BCL9: variants seen among roughly 807,000 people sequenced by gnomAD.
BCL9 encodes BCL9 transcription coactivator.
A neutral mutation model predicts 88.5 loss-of-function variants in BCL9; 25 were observed. That is an observed-to-expected ratio of 0.28 (90% CI 0.21 to 0.39). BCL9 has a LOEUF of 0.39. Ranked by LOEUF, BCL9 falls within the 10% of genes least tolerant of loss-of-function variation. The probability of loss-of-function intolerance (pLI) is 1.00; values close to 1 mark genes in which losing one functional copy is unlikely to be tolerated. For synonymous variants in BCL9, 711 were observed against 673.3 expected (o/e 1.06, Z -0.87); for missense variants, 1,817 against 1,877.8 (o/e 0.97, Z 0.60).
At chr1:147,558,463 T>A (rs1557823376) in intron 1 of BCL9, among the ~76,000 whole-genome samples, 1 of 152,172 alleles carries the variant, frequency 6.6e-6, no homozygotes, top group Non-Finnish European at 1.5e-5. Context: ...TAGAAGGAAA[T>A]CTTGCGTTCC....
Position 147,596,411 on chromosome 1 carries a change from C to CT in BCL9, c.-477-8362dup, listed in dbSNP as rs1170664573. 1.7e-3 allele frequency among the ~76,000 whole-genome samples: 11 copies of CT among 6,552 alleles called. 3 individuals carry two copies. Among genetic ancestry groups the CT allele is most frequent in the African/African-American group, 2.8e-3 (4 of 1,414 alleles). 4.3% of individuals were successfully genotyped at this position (6,552 alleles called of 152,430 possible). A position where few individuals can be genotyped will look rare whatever the true frequency, so the allele number is the denominator to read the frequency against. On this transcript the variant is annotated intron_variant, in intron 1 of 9. Coordinates refer to ENST00000234739, the MANE Select transcript of BCL9 (RefSeq NM_004326.4). The stretch of plus-strand genomic sequence containing the variant: ...AGATTAGATTGACTTTCTTTTTTTT[C>CT]TTTTCTTTTTTTTTTTTTTTGAGAC...
intron 1 of BCL9, among the ~76,000 whole-genome samples, chr1:147,594,920 T>C (rs920299974): frequency 1.3e-4 from 20 of 152,300 alleles, no homozygotes; most frequent in South Asian, 2.1e-4. Context: ...AAAAGGGTAC[T>C]AATGTAAGAA....
At chr1:147,576,872 C>G (rs1172253521) in intron 1 of BCL9, among the ~76,000 whole-genome samples, 2 of 152,114 alleles carry the variant, frequency 1.3e-5, no homozygotes, top group Non-Finnish European at 2.9e-5. Context: ...TATCAACAGA[C>G]ATTTCTCTTT....
chr1:147,589,893 C>CT (rs1656777794), intron 1 of BCL9, among the ~76,000 whole-genome samples: 1 of 152,138 alleles, frequency 6.6e-6, no homozygotes, highest in African/African-American at 2.4e-5. Context: ...TTACATTGAA[C>CT]TTTTTAACAA....
At chr1:147,574,581 T>C (rs1279544113) in intron 1 of BCL9, among the ~76,000 whole-genome samples, 2 of 152,220 alleles carry the variant, frequency 1.3e-5, no homozygotes, top group Non-Finnish European at 2.9e-5. Context: ...TGAGATCATT[T>C]AGCCTAATTA....
chr1:147,594,470 C>G (rs1480509564), intron 1 of BCL9, among the ~76,000 whole-genome samples: 2 of 152,152 alleles, frequency 1.3e-5, no homozygotes, highest in African/African-American at 4.8e-5. Flanking sequence ...TTTAGATGAG[C>G]AAGCTGAGTA....
chr1:147,618,846 C>A lies in BCL9; in HGVS notation c.691C>A (p.Pro231Thr), dbSNP rs1289288745. 1.3e-6 allele frequency: 2 copies of A among 1,581,492 alleles called. No homozygotes were observed. The highest frequency in any genetic ancestry group is 1.2e-5 in the South Asian group (1 of 85,334). ...NTQISALRNDPKPLPQQPPAP... is the reference protein window; with the variant it reads ...NTQISALRNDTKPLPQQPPAP... ...ACAGATATCTGCCCTTCGGAATGATCCGAAACCTCTCCCACAACAGCCCCC... is the reference window on the plus strand; with the variant it reads ...ACAGATATCTGCCCTTCGGAATGATACGAAACCTCTCCCACAACAGCCCCC... The change falls in exon 8 of 10, where the codon CCG becomes ACG. Residue 231 changes from proline (P) to threonine (T), a missense_variant. This residue lies in a region of BCL9 where 1,228 missense variants were observed against 1,191.6 expected (regional missense o/e 1.03). Transcript: ENST00000234739.
intron 1 of BCL9, among the ~76,000 whole-genome samples, chr1:147,546,983 G>C (rs782387119): frequency 2.1e-4 from 22 of 106,574 alleles, no homozygotes; most frequent in Non-Finnish European, 3.2e-4. Flanking sequence ...GTTCTCACAG[G>C]CTTTTCCATA....
At chr1:147,572,781 T>C (rs1371520630) in intron 1 of BCL9, among the ~76,000 whole-genome samples, 1 of 152,232 alleles carries the variant, frequency 6.6e-6, no homozygotes, top group African/African-American at 2.4e-5. Context: ...AGTTTCGCCA[T>C]GTTGGCCAGG....
chr1:147,599,624 G>A (rs1208778936), intron 1 of BCL9, among the ~76,000 whole-genome samples: 1 of 152,280 alleles, frequency 6.6e-6, no homozygotes, highest in Non-Finnish European at 1.5e-5. Flanking sequence ...CCCCTCAGGA[G>A]GCTCTGGAGT....
intron 1 of BCL9, among the ~76,000 whole-genome samples, chr1:147,560,743 C>G (rs1655339330): frequency 6.6e-6 from 1 of 151,982 alleles, no homozygotes; most frequent in Non-Finnish European, 1.5e-5. Flanking sequence ...GAGACCTCAT[C>G]TTTATAAAAA....
chr1:147,620,368 G>C lies in BCL9; in HGVS notation c.2213G>C (p.Arg738Thr). 1 of 1,614,202 alleles carries C rather than the reference G, an allele frequency of 6.2e-7. No individual in the cohort carries two copies. Among genetic ancestry groups the C allele is most frequent in the Non-Finnish European group, 8.5e-7 (1 of 1,180,030 alleles). The stretch of plus-strand genomic sequence containing the variant: ...TCTCAGATGATACCTCAGAAGATGA[G>C]AGAGGCTGGGGCGGGCCCTGAGGAG... ...SNSQMIPQKM[R>T]EAGAGPEEML... The change falls in exon 8 of 10, where the codon AGA (arginine) becomes ACA (threonine). Residue 738 changes from arginine to threonine, a missense_variant. Physicochemically the swap from Arg to Thr is moderately conservative, Grantham distance 71. Coordinates refer to ENST00000234739, the MANE Select transcript of BCL9 (RefSeq NM_004326.4).
chr1:147,611,700 C>A lies in BCL9; in HGVS notation c.-137C>A. 1 of 743,876 alleles carries A rather than the reference C, an allele frequency of 1.3e-6. No individual in the cohort carries two copies. The allele number at this position is 743,876 out of a possible 1,614,324, so 46.1% of individuals were successfully genotyped here. A position where few individuals can be genotyped will look rare whatever the true frequency, so the allele number is the denominator to read the frequency against. ...GAAAAACAAAGAGGAAAAAGGCATA[C>A]AGGCAGCGAGCGCTAAGGGACGCAC... is the stretch of plus-strand genomic sequence containing the variant. On this transcript the variant is annotated 5_prime_UTR_variant, in exon 4 of 10. An upstream open reading frame in the 5' UTR gains an earlier in-frame stop. Coordinates refer to ENST00000234739, the MANE Select transcript of BCL9 (RefSeq NM_004326.4).
rs1173220147 is a variant in BCL9 at position 147,625,989 on chromosome 1, T to C, written c.*1030T>C. On this transcript the variant is annotated 3_prime_UTR_variant, in exon 10 of 10. Transcript: ENST00000234739. ...CCTTCCCTGCCCACCTTGTTTTCTGTTCTCCTTTTATTAGGAATTCCCAAG... is the reference window on the plus strand; with the variant it reads ...CCTTCCCTGCCCACCTTGTTTTCTGCTCTCCTTTTATTAGGAATTCCCAAG... 1 of 230,962 alleles carries C rather than the reference T, an allele frequency of 4.3e-6. No homozygotes were observed. The highest frequency in any genetic ancestry group is 2.2e-5 in the African/African-American group (1 of 45,158). 14.3% of individuals were successfully genotyped at this position (230,962 alleles called of 1,614,324 possible). A position where few individuals can be genotyped will look rare whatever the true frequency, so the allele number is the denominator to read the frequency against.
At chr1:147,580,053 T>C (rs1185309837) in intron 1 of BCL9, among the ~76,000 whole-genome samples, 2 of 152,232 alleles carry the variant, frequency 1.3e-5, no homozygotes, top group Admixed American at 6.5e-5. Context: ...TTCCCTCTTT[T>C]GCCTAAGCGA....
chr1:147,608,350 T>TTTTC (rs1553202228), intron 3 of BCL9, among the ~76,000 whole-genome samples: 4 of 149,118 alleles, frequency 2.7e-5, no homozygotes, highest in Non-Finnish European at 5.9e-5. Context: ...TTTTTTTTTT[T>TTTTC]AGCACGGAAA....
rs1346085017 is a variant in BCL9 at position 147,611,830 on chromosome 1, T to G, written c.-7T>G. ...CGTTTGTGACTGCAAGCTCAGGATT[T>G]CAATCAATGCATTCCAGTAACCCTA... On this transcript the variant is annotated 5_prime_UTR_variant, in exon 4 of 10. Coordinates refer to ENST00000234739, the MANE Select transcript of BCL9 (RefSeq NM_004326.4). The G allele has an allele frequency of 3.1e-6, 5 of 1,613,868 alleles. No homozygotes were observed. The Admixed American group carries it at 8.3e-5, about 27-fold the overall frequency.
At chr1:147,577,271 G>A (rs1417561133) in intron 1 of BCL9, among the ~76,000 whole-genome samples, 1 of 152,078 alleles carries the variant, frequency 6.6e-6, no homozygotes, top group Non-Finnish European at 1.5e-5. Context: ...GCTCGGCTCT[G>A]GAGAAAACTT....
intron 1 of BCL9, among the ~76,000 whole-genome samples, chr1:147,604,497 C>T (rs782089247): frequency 1.3e-5 from 2 of 152,102 alleles, no homozygotes; most frequent in Non-Finnish European, 2.9e-5. Flanking sequence ...TAAAATGAGG[C>T]TTTTGTATCT....
Sources: gnomAD v4.1 joint callset for allele counts (sites outside exome capture counted in the v4.1 genomes callset) on GRCh38, gnomAD v4.1.1 for gene constraint, gnomAD v4.1.1 regional missense constraint, MANE v1.5 for transcripts, NCBI Gene and HGNC (gene_info 2026-07-23, HGNC 2026-07-21) for gene names.